TLK1: variants seen among roughly 807,000 people sequenced by gnomAD.
TLK1 encodes the protein tousled like kinase 1, also known as serine/threonine-protein kinase tousled-like 1.
TLK1 carries 24 observed loss-of-function variants against 105.3 expected under a neutral mutation model. That is an observed-to-expected ratio of 0.23 (90% confidence interval 0.17 to 0.32). The LOEUF is 0.32. Ranked by LOEUF, TLK1 falls within the 10% of genes least tolerant of loss-of-function variation. The pLI, the probability that TLK1 is intolerant of heterozygous loss-of-function variation, is 1.00. For synonymous variants in TLK1, 321 were observed against 310.4 expected (o/e 1.03, Z -0.36); for missense variants, 558 against 910.5 (o/e 0.61, Z 4.98).
chr2:171,228,146 AG>A (rs1286158370), intron 1 of TLK1, among the ~76,000 whole-genome samples: 7 of 152,236 alleles, frequency 4.6e-5, no homozygotes, highest in Admixed American at 3.3e-4. Flanking sequence ...ACTGCACTCT[AG>A]CCTGGGTGAC....
chr2:171,011,190 A>G (rs1684899214), intron 14 of TLK1, among the ~76,000 whole-genome samples, 183 bp downstream of exon 14: 1 of 151,814 alleles, frequency 6.6e-6, no homozygotes, highest in Admixed American at 6.6e-5. Context: ...AAGTAGAGAC[A>G]AGGTCTCACT....
intron 2 of TLK1, among the ~76,000 whole-genome samples, chr2:171,112,746 T>C (rs923964846): frequency 6.6e-6 from 1 of 151,890 alleles, no homozygotes; most frequent in African/African-American, 2.4e-5. Context: ...GACCAAACTA[T>C]AAAAATTAAA....
At chr2:171,211,855 T>C (rs1055727169) in intron 1 of TLK1, among the ~76,000 whole-genome samples, 2 of 148,608 alleles carry the variant, frequency 1.3e-5, no homozygotes, top group African/African-American at 5.0e-5. Flanking sequence ...GCCTCTTTTT[T>C]TTTTTTTCAA....
intron 1 of TLK1, among the ~76,000 whole-genome samples, chr2:171,156,821 A>C (rs560515409): frequency 1.3e-5 from 2 of 152,332 alleles, no homozygotes; most frequent in Non-Finnish European, 2.9e-5. Context: ...TTTACAGTTT[A>C]ATCGAACTAT....
At chr2:171,128,074 T>C (rs1690943436) in intron 1 of TLK1, among the ~76,000 whole-genome samples, 1 of 152,156 alleles carries the variant, frequency 6.6e-6, no homozygotes, top group African/African-American at 2.4e-5. Context: ...CTTCACCTAA[T>C]CTTTTTAATA....
At chr2:171,224,712 A>G (rs1693867658) in intron 1 of TLK1, among the ~76,000 whole-genome samples, 1 of 152,126 alleles carries the variant, frequency 6.6e-6, no homozygotes, top group African/African-American at 2.4e-5. Context: ...ACTCATCCTA[A>G]AATTTATATG....
chr2:171,183,118 T>C (rs184768319), intron 1 of TLK1, among the ~76,000 whole-genome samples: 152 of 152,264 alleles, frequency 1.0e-3, no homozygotes, highest in Non-Finnish European at 7.1e-4. Context: ...TGTTTTTCCA[T>C]ATTAAAAATC....
upstream of TLK1, among the ~76,000 whole-genome samples, chr2:171,165,860 G>A (rs988777618): frequency 6.6e-5 from 10 of 152,020 alleles, 1 homozygote; most frequent in South Asian, 2.1e-4. Context: ...GCAGTGAGCC[G>A]AGATTGCACC....
At chr2:171,117,997 T>C (rs1004567647) in intron 1 of TLK1, 140 bp from the exon 2 acceptor site, 9 of 511,222 alleles carry the variant, frequency 1.8e-5, no homozygotes, top group Non-Finnish European at 2.9e-5. Flanking sequence ...ATTGAGAGAC[T>C]TTATTTTTAA....
At chr2:171,086,869 A>T (rs555985716) in intron 2 of TLK1, among the ~76,000 whole-genome samples, 1 of 152,138 alleles carries the variant, frequency 6.6e-6, no homozygotes, top group African/African-American at 2.4e-5. Flanking sequence ...AAAGATCCAC[A>T]AAGGGAGAGT....
At chr2:171,218,442 G>C (rs1046153886) in intron 1 of TLK1, among the ~76,000 whole-genome samples, 6 of 152,214 alleles carry the variant, frequency 3.9e-5, no homozygotes, top group African/African-American at 1.2e-4. Context: ...GAAGAGACTG[G>C]TTGTACAACA....
chr2:171,013,781 CTTATA>C (rs1685043734), intron 13 of TLK1, among the ~76,000 whole-genome samples: 1 of 152,174 alleles, frequency 6.6e-6, no homozygotes, highest in Non-Finnish European at 1.5e-5. Context: ...TATTCTGATA[CTTATA>C]TTAACTCATG....
At chr2:171,148,410 G>A (rs779868086) in intron 1 of TLK1, among the ~76,000 whole-genome samples, 40 of 151,670 alleles carry the variant, frequency 2.6e-4, no homozygotes, top group Non-Finnish European at 4.9e-4. Context: ...TCTCATCTGC[G>A]TGACTTTGGG....
chr2:171,204,343 G>A (rs150918694), intron 1 of TLK1, among the ~76,000 whole-genome samples: 40 of 152,284 alleles, frequency 2.6e-4, no homozygotes, highest in South Asian at 6.2e-4. Flanking sequence ...ACCCCAGTGC[G>A]TGCCCAGATT....
chr2:171,159,110 T>C (rs539710018), intron 1 of TLK1, among the ~76,000 whole-genome samples: 37 of 152,316 alleles, frequency 2.4e-4, no homozygotes, highest in Non-Finnish European at 4.6e-4. Context: ...TCGACAGATA[T>C]TTTCAAAATA....
In TLK1 at chr2:171,141,835, CAG is replaced by C. The variant is rs544904267; in HGVS notation, c.139+18453_139+18454del. Among the ~76,000 whole-genome samples the C allele has an allele frequency of 6.2e-3, 940 of 151,918 alleles. 8 individuals carry two copies. Among genetic ancestry groups the C allele is most frequent in the Middle Eastern group, 0.01 (3 of 294 alleles). The stretch of plus-strand genomic sequence containing the variant: ...AAATAGAGAAAAAAAAGAGTATTTT[CAG>C]AGAGAAAATCAACCCAGCTAGAAGC... On this transcript the variant is annotated intron_variant, in intron 1 of 20. Coordinates refer to ENST00000431350, the MANE Select transcript of TLK1 (RefSeq NM_012290.5).
Position 170,991,300 on chromosome 2 carries a change from AAC to A in TLK1, c.*2478_*2479del, listed in dbSNP as rs985389184. 2 of 152,204 alleles carry A rather than the reference AAC, an allele frequency of 1.3e-5. No individual in the cohort carries two copies. Among genetic ancestry groups the A allele is most frequent in the African/African-American group, 4.8e-5 (2 of 41,450 alleles). The allele number at this position is 152,204 out of a possible 1,614,324, so 9.4% of individuals were successfully genotyped here. On this transcript the variant is annotated 3_prime_UTR_variant, in exon 21 of 21. Transcript: ENST00000431350. The stretch of plus-strand genomic sequence containing the variant: ...CAGAAAACAATAAAACCCTAAAAAA[AAC>A]AGTGTCAAAGACTGTCAGAGTGACC...
intron 1 of TLK1, among the ~76,000 whole-genome samples, chr2:171,188,187 A>G (rs1477551133): frequency 6.6e-6 from 1 of 152,254 alleles, no homozygotes; most frequent in African/African-American, 2.4e-5. Context: ...CTAAAGTAGC[A>G]CCCTGAAAAC....
At chr2:171,139,436 A>G (rs1691477118) in intron 1 of TLK1, among the ~76,000 whole-genome samples, 1 of 152,122 alleles carries the variant, frequency 6.6e-6, no homozygotes, top group Non-Finnish European at 1.5e-5. Context: ...TGTCTTTACT[A>G]AAGATTCAAA....
Sources: allele counts gnomAD v4.1 joint callset (sites outside exome capture counted in the v4.1 genomes callset), GRCh38; gene constraint gnomAD v4.1.1; transcripts MANE v1.5; gene names NCBI Gene and HGNC (gene_info 2026-07-23, HGNC 2026-07-21).